MICAL2: variants seen among roughly 807,000 people sequenced by gnomAD.
The protein encoded by MICAL2 is [F-actin]-monooxygenase MICAL2.
A neutral mutation model predicts 127.3 loss-of-function variants in MICAL2; 77 were observed. That is an observed-to-expected ratio of 0.60 (90% CI 0.50 to 0.73). The LOEUF is 0.73. Among genes scored for constraint, MICAL2 ranks in the 30% least tolerant of loss-of-function variants. The pLI is 0.00. For missense variants in MICAL2, 1,351 were observed against 1,434.4 expected (o/e 0.94, Z 0.94); for synonymous variants, 570 against 551.1 (o/e 1.03, Z -0.48).
At chr11:12,261,999 C>G (rs571797125) in intron 26 of MICAL2, 25 of 1,000,312 alleles carry the variant, frequency 2.5e-5, no homozygotes, top group South Asian at 4.4e-5. Context: ...CCATGAAGCC[C>G]GAGTCGGAAT....
At position 12,246,832 on chromosome 11, in the gene MICAL2, T is replaced by G. The variant is rs550056150; in HGVS notation, c.2785-2352T>G. On this transcript the variant is annotated intron_variant, in intron 21 of 27. Transcript: ENST00000683283. The stretch of plus-strand genomic sequence containing the variant: ...CATTTCAGGCTGTCAGGATATGTAT[T>G]GATGAATAAGAGTTAAATCTCTGCC... 2.6e-4 allele frequency among the ~76,000 whole-genome samples: 39 copies of G among 152,288 alleles called. No homozygotes were observed. The Middle Eastern group carries it at 0.01, about 40-fold the overall frequency.
Position 12,349,752 on chromosome 11 carries a change from CAT to C in MICAL2, c.5516-84_5516-83del, listed in dbSNP as rs1589923056. 4 of 1,324,420 alleles carry C rather than the reference CAT, an allele frequency of 3.0e-6. No individual in the cohort carries two copies. In the East Asian group the frequency reaches 7.1e-5, roughly 24 times the overall value. The allele number at this position is 1,324,420 out of a possible 1,614,324, so 82.0% of individuals were successfully genotyped here. A position where few individuals can be genotyped will look rare whatever the true frequency, so the allele number is the denominator to read the frequency against. ...CCTGCAGAGCCCTTGTCACTACAAACATAACCTGCTAAAGTGGCTCAAAGCAG... is the reference window on the plus strand; with the variant it reads ...CCTGCAGAGCCCTTGTCACTACAAACAACCTGCTAAAGTGGCTCAAAGCAG... On this transcript the variant is annotated intron_variant, in intron 32 of 34. Transcript: ENST00000646065.
chr11:12,261,217 C>T, intron 26 of MICAL2: 1 of 985,512 alleles, frequency 1.0e-6, no homozygotes, highest in Non-Finnish European at 1.2e-6. Context: ...ATCCTGACTG[C>T]TTAGCTGCTC....
intron 3 of MICAL2, among the ~76,000 whole-genome samples, chr11:12,194,595 C>T (rs2134049150): frequency 6.6e-6 from 1 of 152,250 alleles, no homozygotes; most frequent in Admixed American, 6.5e-5. Flanking sequence ...TGACTCAGCC[C>T]ATCTCAGAAG....
At chr11:12,261,361 A>G (rs3794075) in intron 26 of MICAL2, 236,007 of 985,350 alleles carry the variant, frequency 0.24, 28,654 homozygotes, top group South Asian at 0.29. Context: ...CTATTTATGG[A>G]CTGATCCAAA....
At chr11:12,269,324 C>G (rs1260011698) in intron 24 of MICAL2, among the ~76,000 whole-genome samples, 1 of 152,200 alleles carries the variant, frequency 6.6e-6, no homozygotes, top group African/African-American at 2.4e-5. Flanking sequence ...TGGGTCCTGG[C>G]TGTGCCCAAA....
intron 22 of MICAL2, 124 bp downstream of exon 22, chr11:12,249,370 G>T (rs3751029): frequency 1.6e-6 from 1 of 637,788 alleles, no homozygotes; most frequent in African/African-American, 1.8e-5. Flanking sequence ...GGCACCAGGG[G>T]ACGAAGGTGG....
intron 26 of MICAL2, chr11:12,260,649 A>G (rs1265625831): frequency 2.8e-5 from 28 of 986,472 alleles, no homozygotes; most frequent in Non-Finnish European, 3.4e-5. Flanking sequence ...CCCAGATGCC[A>G]CTTGTCAGCA....
chr11:12,222,588 C>A, intron 10 of MICAL2, 29 bp from the exon 11 acceptor site: 1 of 1,613,936 alleles, frequency 6.2e-7, no homozygotes, highest in Non-Finnish European at 8.5e-7. Flanking sequence ...AAAAGTGATC[C>A]CTGACCTCCA....
chr11:12,341,157 G>T (rs1938857933), intron 32 of MICAL2, among the ~76,000 whole-genome samples: 2 of 152,092 alleles, frequency 1.3e-5, no homozygotes, highest in Non-Finnish European at 2.9e-5. Flanking sequence ...CAAAAGACAG[G>T]GACCGAAACC....
chr11:12,227,070 C>A lies in MICAL2; in HGVS notation c.1934C>A (p.Ala645Asp). 1 of 1,614,154 alleles carries A rather than the reference C, an allele frequency of 6.2e-7. No individual in the cohort carries two copies. The highest frequency in any genetic ancestry group is 1.3e-5 in the African/African-American group (1 of 75,068). Residue 645 changes from alanine to aspartate, a missense_variant, in exon 15 of 28, where the codon GCC becomes GAC. By Grantham distance (126) the Ala-to-Asp change is moderately radical. Transcript: ENST00000683283. ...NYGENADLSLAKSSISNNYLN... is the reference protein window; with the variant it reads ...NYGENADLSLDKSSISNNYLN... ...GGAGAAAATGCTGACCTCAGCTTGG[C>A]CAAATCATCCATTTCTAATAACTAT... is the stretch of plus-strand genomic sequence containing the variant.
At chr11:12,249,815 G>C (rs1333931436) in intron 22 of MICAL2, 1 of 152,308 alleles carries the variant, frequency 6.6e-6, no homozygotes, top group Non-Finnish European at 1.5e-5. Context: ...CCAGGCACAG[G>C]GAGGAACGTT....
chr11:12,204,097 G>A (rs527800786), intron 3 of MICAL2, among the ~76,000 whole-genome samples, 153 bp from the exon 4 acceptor site: 1 of 152,332 alleles, frequency 6.6e-6, no homozygotes, highest in South Asian at 2.1e-4. Context: ...TACATTGGGT[G>A]GATGAATGAC....
intron 2 of MICAL2, among the ~76,000 whole-genome samples, chr11:12,147,754 G>A (rs4644628): frequency 0.48 from 72,236 of 152,068 alleles, 17,798 homozygotes; most frequent in South Asian, 0.68. Context: ...CACAATATAG[G>A]TTCTCAGTAA....
intron 3 of MICAL2, among the ~76,000 whole-genome samples, chr11:12,182,826 G>C (rs1377541295): frequency 6.6e-6 from 1 of 152,174 alleles, no homozygotes; most frequent in Non-Finnish European, 1.5e-5. Context: ...GAGCTCATGG[G>C]TTGGGAATGT....
chr11:12,182,047 G>T (rs1857541764), intron 3 of MICAL2, among the ~76,000 whole-genome samples: 1 of 152,070 alleles, frequency 6.6e-6, no homozygotes, highest in Admixed American at 6.5e-5. Context: ...CTCAAGCTAG[G>T]ATTTACACTT....
chr11:12,111,242 TGGCCGCGGGCTGG>T (rs1360459260), intron 1 of MICAL2, among the ~76,000 whole-genome samples: 1 of 152,206 alleles, frequency 6.6e-6, no homozygotes, highest in Non-Finnish European at 1.5e-5. Flanking sequence ...GTGGCCTGGC[TGGCCGCGGGCTGG>T]AGCCCAGTCG....
intron 2 of MICAL2, among the ~76,000 whole-genome samples, chr11:12,283,035 A>G (rs1487324430): frequency 2.0e-5 from 3 of 152,350 alleles, no homozygotes; most frequent in South Asian, 2.1e-4. Context: ...GTAAGTGGGT[A>G]GAATGCGTGA....
At chr11:12,341,669 AT>A (rs1189575433) in intron 32 of MICAL2, among the ~76,000 whole-genome samples, 2 of 152,074 alleles carry the variant, frequency 1.3e-5, no homozygotes, top group Non-Finnish European at 2.9e-5. Context: ...TCTACGAAAA[AT>A]ATAAAAATTA....
Sources: allele counts gnomAD v4.1 joint callset (sites outside exome capture counted in the v4.1 genomes callset), GRCh38; gene constraint gnomAD v4.1.1; transcripts MANE v1.5; gene names NCBI Gene and HGNC (gene_info 2026-07-23, HGNC 2026-07-21).